Variants in NFS1 observed in about 807,000 individuals in gnomAD.
The protein encoded by NFS1 is NFS1 cysteine desulfurase.
In NFS1, 26 loss-of-function variants were observed where a neutral mutation model predicts 57.3. That is an observed-to-expected ratio of 0.45 (90% CI 0.33 to 0.63). The LOEUF is 0.63. Ranked by LOEUF, NFS1 falls within the 20% of genes least tolerant of loss-of-function variation. The pLI is 0.02. For missense variants in NFS1, 505 were observed against 605.8 expected (o/e 0.83, Z 1.75); for synonymous variants, 209 against 216.3 (o/e 0.97, Z 0.30).
intron 11 of NFS1, 138 bp downstream of exon 11, chr20:35,673,463 A>G: frequency 1.5e-6 from 1 of 657,380 alleles, no homozygotes; most frequent in Non-Finnish European, 2.6e-6. Context: ...TGCTCTAGAA[A>G]CTTTCACAAG....
At chr20:35,687,494 T>A (rs576100950) in intron 5 of NFS1, among the ~76,000 whole-genome samples, 25 of 152,202 alleles carry the variant, frequency 1.6e-4, no homozygotes, top group African/African-American at 5.1e-4. Context: ...GTGACCCACG[T>A]GACCTTACCT....
chr20:35,677,934 G>A (rs2034782007), intron 7 of NFS1, among the ~76,000 whole-genome samples: 1 of 152,140 alleles, frequency 6.6e-6, no homozygotes, highest in Non-Finnish European at 1.5e-5. Flanking sequence ...CAGGCATTGG[G>A]CCGGGCACGG....
intron 5 of NFS1, among the ~76,000 whole-genome samples, chr20:35,686,350 CAAAA>C (rs55861739): frequency 1.4e-5 from 1 of 69,568 alleles, no homozygotes; most frequent in Non-Finnish European, 3.1e-5. Flanking sequence ...AACTCCATCT[CAAAA>C]AAAAAAAAAA....
chr20:35,698,651 T>A (rs375439881), intron 1 of NFS1, 61 bp from the exon 2 acceptor site: 7 of 1,519,048 alleles, frequency 4.6e-6, no homozygotes, highest in Non-Finnish European at 6.2e-6. Context: ...ACGCATGGCA[T>A]CCAAAGGGCA....
In NFS1 at chr20:35,696,481, A is replaced by T. The variant is rs1343817820; in HGVS notation, c.325-21T>A. Reference sequence around the variant, plus strand: ...ACTTGCTGCAAGCCAAGAAACAGAGATATATAACATCAGTTCCCCAGGCAG... The same window carrying T: ...ACTTGCTGCAAGCCAAGAAACAGAGTTATATAACATCAGTTCCCCAGGCAG... On this transcript the variant is annotated intron_variant, in intron 3 of 12. Transcript: ENST00000374092. 5 of 1,589,476 alleles carry T rather than the reference A, an allele frequency of 3.1e-6. No individual in the cohort carries two copies. The African/African-American group carries it at 6.7e-5, about 21-fold the overall frequency.
At chr20:35,688,169 A>C (rs1568963115) in intron 5 of NFS1, among the ~76,000 whole-genome samples, 1 of 152,116 alleles carries the variant, frequency 6.6e-6, no homozygotes, top group Non-Finnish European at 1.5e-5. Context: ...GAATCACTTG[A>C]ACCCGGGAGG....
intron 8 of NFS1, 116 bp from the exon 9 acceptor site, chr20:35,674,733 C>T: frequency 1.2e-6 from 1 of 824,216 alleles, no homozygotes; most frequent in Non-Finnish European, 2.0e-6. Flanking sequence ...ACCTATCATC[C>T]TATGTACTCA....
intron 7 of NFS1, among the ~76,000 whole-genome samples, chr20:35,676,703 T>C (rs2034752070): frequency 8.0e-6 from 1 of 125,558 alleles, no homozygotes; most frequent in Non-Finnish European, 1.6e-5. Flanking sequence ...TGTAAACACA[T>C]AGGATAATTG....
chr20:35,689,553 G>C (rs1015022009), intron 5 of NFS1, among the ~76,000 whole-genome samples: 4 of 152,070 alleles, frequency 2.6e-5, no homozygotes, highest in Admixed American at 2.6e-4. Flanking sequence ...TGGATCACGA[G>C]GTCAGGAGAT....
intron 4 of NFS1, among the ~76,000 whole-genome samples, chr20:35,693,975 T>A (rs982418330): frequency 3.3e-5 from 5 of 151,488 alleles, no homozygotes; most frequent in South Asian, 2.1e-4. Flanking sequence ...AAAAAATAAA[T>A]AAATAAATTA....
intron 7 of NFS1, among the ~76,000 whole-genome samples, chr20:35,676,631 G>A (rs1003894732): frequency 1.3e-5 from 2 of 151,820 alleles, no homozygotes; most frequent in Non-Finnish European, 2.9e-5. Flanking sequence ...GATTGAAACA[G>A]TGAGTACAGT....
intron 12 of NFS1, among the ~76,000 whole-genome samples, chr20:35,670,384 T>A (rs1387598812): frequency 6.6e-6 from 1 of 152,238 alleles, no homozygotes; most frequent in African/African-American, 2.4e-5. Flanking sequence ...GAAGCTTGGA[T>A]ATCTTGGATA....
At chr20:35,680,907 T>C (rs763063427) in intron 6 of NFS1, 36 bp from the exon 7 acceptor site, 1 of 1,435,920 alleles carries the variant, frequency 7.0e-7, no homozygotes, top group South Asian at 1.6e-5. Context: ...CAGCACAATG[T>C]TGGAAAGTCA....
intron 2 of NFS1, among the ~76,000 whole-genome samples, chr20:35,698,053 C>T (rs368082248): frequency 6.6e-6 from 1 of 152,190 alleles, no homozygotes; most frequent in Non-Finnish European, 1.5e-5. Flanking sequence ...TGCCTTGTTC[C>T]GACATCTGTT....
intron 7 of NFS1, among the ~76,000 whole-genome samples, chr20:35,676,644 G>C (rs2034750956): frequency 1.3e-5 from 2 of 150,818 alleles, no homozygotes; most frequent in South Asian, 4.2e-4. Context: ...AGTACAGTAT[G>C]CTATCATCTG....
At position 35,674,416 on chromosome 20, in the gene NFS1, G is replaced by C; in HGVS notation, c.1070C>G (p.Ser357Cys). The change falls in exon 10 of 13, where the codon TCC becomes TGC. Residue 357 changes from serine (S) to cysteine (C), a missense_variant. By Grantham distance (112) the Ser-to-Cys change is moderately radical (BLOSUM62 -1). Coordinates refer to ENST00000374092, the MANE Select transcript of NFS1 (RefSeq NM_021100.5). ...ACTTTCCCCTTCCACATATGCAAAG[G>C]AGAGGTTGATACAGCCTGGAGGAAA... Reference protein sequence around the residue: ...KHHYPGCINLSFAYVEGESLL... With the variant: ...KHHYPGCINLCFAYVEGESLL... 1 of 1,614,110 alleles carries C rather than the reference G, an allele frequency of 6.2e-7. No homozygotes were observed. The highest frequency in any genetic ancestry group is 8.5e-7 in the Non-Finnish European group (1 of 1,180,000).
chr20:35,674,109 C>T (rs770687495), intron 10 of NFS1: 46 of 529,488 alleles, frequency 8.7e-5, no homozygotes, highest in Non-Finnish European at 1.3e-4. Flanking sequence ...ACAACAGACA[C>T]ATACATCCCC....
rs184710219 is a variant in NFS1, at chr20:35,674,443, A to C, written c.1055-12T>G. On this transcript the variant is annotated splice_polypyrimidine_tract_variant and intron_variant, in intron 9 of 12. Transcript: ENST00000374092. ...GAGGTTGATACAGCCTGGAGGAAAG[A>C]AATACTGTGAGAGAGGTCTCAGAGT... is the stretch of plus-strand genomic sequence containing the variant. The C allele has an allele frequency of 1.7e-4, 277 of 1,613,720 alleles. 2 individuals are homozygous for C. In the African/African-American group the frequency reaches 2.8e-3, roughly 16 times the overall value.
chr20:35,676,290 A>G, intron 7 of NFS1: 1 of 153,002 alleles, frequency 6.5e-6, no homozygotes, highest in Non-Finnish European at 1.5e-5. Context: ...CGTCTAAAAA[A>G]AAAAAATGTA....
Sources: allele counts gnomAD v4.1 joint callset (sites outside exome capture counted in the v4.1 genomes callset), GRCh38; gene constraint gnomAD v4.1.1; transcripts MANE v1.5; gene names NCBI Gene and HGNC (gene_info 2026-07-23, HGNC 2026-07-21).